ENPEP: variants seen among roughly 807,000 people sequenced by gnomAD.
ENPEP encodes glutamyl aminopeptidase.
ENPEP carries 103 observed loss-of-function variants against 114.5 expected under a neutral mutation model. That is an observed-to-expected ratio of 0.90 (90% CI 0.77 to 1.06). The LOEUF is 1.06. Ranked by LOEUF, ENPEP falls within the 50% of genes least tolerant of loss-of-function variation. The pLI is 0.00. For missense variants in ENPEP, 1,196 were observed against 1,161.3 expected, an observed-to-expected ratio of 1.03 and a Z score of -0.43; for synonymous variants, 420 against 422.0, an observed-to-expected ratio of 1.00 and a Z score of 0.06.
chr4:110,507,087 T>A (rs1303246823), intron 4 of ENPEP, among the ~76,000 whole-genome samples: 1 of 152,198 alleles, frequency 6.6e-6, no homozygotes, highest in Non-Finnish European at 1.5e-5. Context: ...GATCAGTTGA[T>A]TTCAAAATCG....
chr4:110,559,204 G>T, intron 18 of ENPEP: 1 of 162,282 alleles, frequency 6.2e-6, no homozygotes, highest in Non-Finnish European at 1.3e-5. Context: ...TAGCTTGGGG[G>T]AAGAGGAGAG....
chr4:110,508,604 G>T (rs1163851082), intron 4 of ENPEP, among the ~76,000 whole-genome samples: 1 of 152,200 alleles, frequency 6.6e-6, no homozygotes, highest in Non-Finnish European at 1.5e-5. Flanking sequence ...GAGGTCAGGA[G>T]ATGGAGACCA....
intron 7 of ENPEP, among the ~76,000 whole-genome samples, chr4:110,514,468 T>C (rs528775374): frequency 7.9e-5 from 12 of 152,088 alleles, no homozygotes; most frequent in Non-Finnish European, 1.8e-4. Context: ...AATGATTCCT[T>C]TTATCTTTAT....
rs77280747 is a variant in ENPEP, at chr4:110,492,286, G to T, written c.918+1122G>T. 6.7e-3 allele frequency among the ~76,000 whole-genome samples: 1,016 copies of T among 152,270 alleles called. 10 individuals are homozygous for T. The highest frequency in any genetic ancestry group is 0.023 in the African/African-American group (973 of 41,554). On this transcript the variant is annotated intron_variant, in intron 3 of 19. Transcript: ENST00000265162. ...CTATTTATTCAAGATTACCCAGCTG[G>T]CAAGTGGTAGAAACTTAAATTCCAA...
In ENPEP at chr4:110,543,984, A is replaced by G. The variant is rs186565161; in HGVS notation, c.2000+914A>G. 3.0e-3 allele frequency among the ~76,000 whole-genome samples: 457 copies of G among 152,226 alleles called. 1 individual carries two copies. Among genetic ancestry groups the G allele is most frequent in the African/African-American group, 0.01 (434 of 41,562 alleles). ...AGCTCCTGACTGTACGTTGCCAATA[A>G]CAGTTGATAATAAATACTGACTAAA... On this transcript the variant is annotated intron_variant, in intron 13 of 19. Coordinates refer to ENST00000265162, the MANE Select transcript of ENPEP (RefSeq NM_001977.4).
chr4:110,554,542 AGTGT>A (rs140987098), intron 18 of ENPEP, among the ~76,000 whole-genome samples: 19 of 150,382 alleles, frequency 1.3e-4, no homozygotes, highest in African/African-American at 1.7e-4. Context: ...TGTGCATGTG[AGTGT>A]GTGTGTGTGT....
intron 18 of ENPEP, among the ~76,000 whole-genome samples, chr4:110,554,834 A>G (rs896188273): frequency 1.3e-5 from 2 of 152,052 alleles, no homozygotes; most frequent in African/African-American, 2.4e-5. Flanking sequence ...TTGAGTTACT[A>G]TGAAAAGACA....
intron 13 of ENPEP, among the ~76,000 whole-genome samples, 194 bp downstream of exon 13, chr4:110,543,264 T>G (rs1726921921): frequency 6.6e-6 from 1 of 152,116 alleles, no homozygotes; most frequent in Admixed American, 6.6e-5. Flanking sequence ...ATACTGACAT[T>G]AGCCCTTAAG....
intron 11 of ENPEP, among the ~76,000 whole-genome samples, chr4:110,538,870 A>AAGAG (rs897484349): frequency 6.7e-6 from 1 of 150,352 alleles, no homozygotes; most frequent in Non-Finnish European, 1.5e-5. Flanking sequence ...AGGAGAGAGA[A>AAGAG]AGAGAGAGAG....
chr4:110,520,307 A>C lies in ENPEP; in HGVS notation c.1668A>C (p.Thr556=), dbSNP rs746185181. 8.7e-6 allele frequency: 14 copies of C among 1,614,140 alleles called. No individual in the cohort carries two copies. In the South Asian group the frequency reaches 1.5e-4, roughly 18 times the overall value. The change falls in exon 10 of 20, where the codon ACA becomes ACC. Residue 556 remains threonine (T), a synonymous_variant. Transcript: ENST00000265162. ...VLNVNGVKNI[T]QKRFLLDPRA... ...ACGTGAACGGTGTCAAGAACATCAC[A>C]CAGAAACGCTTTTTGTTGGACCCAA...
rs767349194 is a variant in ENPEP at position 110,476,793 on chromosome 4, G to C, written c.379G>C (p.Ala127Pro). ...CGTGAGCATCTCCATCAACCTGAGC[G>C]CTCCCACCCGGTACCTGTGGCTGCA... ...GTVSISINLS[A>P]PTRYLWLHLR... The change falls in exon 1 of 20, where the codon GCT (alanine) becomes CCT (proline). Residue 127 changes from alanine (A) to proline (P), a missense_variant. Ala to Pro is a conservative substitution (Grantham distance 27, BLOSUM62 -1). Transcript: ENST00000265162. 1.9e-5 allele frequency: 30 copies of C among 1,614,152 alleles called. No individual in the cohort carries two copies. The highest frequency in any genetic ancestry group is 2.5e-5 in the Non-Finnish European group (30 of 1,180,036).
At chr4:110,481,394 A>G (rs1040073658) in intron 1 of ENPEP, among the ~76,000 whole-genome samples, 2 of 151,848 alleles carry the variant, frequency 1.3e-5, no homozygotes, top group Non-Finnish European at 2.9e-5. Context: ...AGGCTTTTAT[A>G]TGATAATGTC....
chr4:110,536,900 AT>A (rs1300994553), intron 11 of ENPEP, among the ~76,000 whole-genome samples: 4 of 152,224 alleles, frequency 2.6e-5, no homozygotes, highest in Non-Finnish European at 5.9e-5. Flanking sequence ...AATAAAGCAA[AT>A]ATCACAATTA....
chr4:110,543,763 G>T (rs1000402741), intron 13 of ENPEP, among the ~76,000 whole-genome samples: 1 of 151,718 alleles, frequency 6.6e-6, no homozygotes, highest in Non-Finnish European at 1.5e-5. Flanking sequence ...CTTTGTAGTC[G>T]CCTCATTCTA....
At chr4:110,517,240 C>T (rs553490154) in intron 8 of ENPEP, among the ~76,000 whole-genome samples, 1 of 152,192 alleles carries the variant, frequency 6.6e-6, no homozygotes, top group South Asian at 2.1e-4. Context: ...GTGCCCTGCC[C>T]ATTGTAAGCA....
intron 10 of ENPEP, among the ~76,000 whole-genome samples, chr4:110,523,425 T>G (rs1323197527): frequency 1.3e-5 from 2 of 151,914 alleles, no homozygotes; most frequent in Non-Finnish European, 2.9e-5. Flanking sequence ...TATTAAAAAA[T>G]AACAAAAATA....
chr4:110,495,831 T>C (rs984648876), intron 3 of ENPEP, among the ~76,000 whole-genome samples: 2 of 152,174 alleles, frequency 1.3e-5, no homozygotes, highest in Non-Finnish European at 2.9e-5. Flanking sequence ...GCATTTGGCA[T>C]CTGTATTTTA....
intron 3 of ENPEP, among the ~76,000 whole-genome samples, chr4:110,491,617 A>G (rs1301243200): frequency 6.6e-6 from 1 of 152,214 alleles, no homozygotes. Context: ...CAAAATAGGT[A>G]GCAACAAAGT....
At chr4:110,557,652 C>T (rs1727525294) in intron 18 of ENPEP, among the ~76,000 whole-genome samples, 1 of 152,140 alleles carries the variant, frequency 6.6e-6, no homozygotes, top group Admixed American at 6.5e-5. Flanking sequence ...GTTCAAGAGC[C>T]TGGGGAGATC....
Sources: gnomAD v4.1 joint callset for allele counts (sites outside exome capture counted in the v4.1 genomes callset) on GRCh38, gnomAD v4.1.1 for gene constraint, MANE v1.5 for transcripts, NCBI Gene and HGNC (gene_info 2026-07-23, HGNC 2026-07-21) for gene names.